ARL2: variants seen among roughly 807,000 people sequenced by gnomAD.
ARL2 encodes ARF like GTPase 2.
Under a neutral mutation model 22.0 loss-of-function variants are expected in ARL2, and 11 were observed. The observed-to-expected ratio is 0.50, with a 90% CI of 0.31 to 0.83. The LOEUF (loss-of-function observed/expected upper bound fraction) is 0.83, where lower values mean the gene tolerates loss of function less well. Among genes scored for constraint, ARL2 ranks in the 40% least tolerant of loss-of-function variants. The pLI is 0.04. For missense variants in ARL2, 216 were observed against 243.2 expected, an observed-to-expected ratio of 0.89 and a Z score of 0.74; for synonymous variants, 111 against 100.8, an observed-to-expected ratio of 1.10 and a Z score of -0.61.
chr11:65,021,346 A>G (rs1378311938), intron 4 of ARL2, among the ~76,000 whole-genome samples: 1 of 152,218 alleles, frequency 6.6e-6, no homozygotes, highest in Non-Finnish European at 1.5e-5. Flanking sequence ...CAGGTTGCTT[A>G]ACCTCTCTGA....
Position 65,018,729 on chromosome 11 carries a change from A to G in ARL2, c.335A>G (p.Glu112Gly), listed in dbSNP as rs1565182995. Reference sequence around the variant, plus strand: ...CGGGAGCTCCAGAGCCTGCTGGTGGAGGAGGTGGGCAGCTCCTACCCTTTG... The same window carrying G: ...CGGGAGCTCCAGAGCCTGCTGGTGGGGGAGGTGGGCAGCTCCTACCCTTTG... Reference protein sequence around the residue: ...CQRELQSLLVEERLAGATLLI... With the variant: ...CQRELQSLLVGERLAGATLLI... The change falls in exon 3 of 5, where the codon GAG becomes GGG. Residue 112 changes from glutamate to glycine, a missense_variant. Physicochemically the swap from Glu to Gly is moderately conservative, Grantham distance 98. Transcript: ENST00000246747. The surrounding 1 kb of genome is among the most constrained non-coding windows in gnomAD (Gnocchi z 4.2). 1.9e-6 allele frequency: 3 copies of G among 1,614,026 alleles called. No individual in the cohort carries two copies. Among genetic ancestry groups the G allele is most frequent in the Non-Finnish European group, 2.5e-6 (3 of 1,180,020 alleles).
intron 3 of ARL2, 83 bp from the exon 4 acceptor site, chr11:65,020,336 A>G: frequency 8.6e-7 from 1 of 1,165,574 alleles, no homozygotes; most frequent in Non-Finnish European, 1.3e-6. Context: ...TCGATCCTTC[A>G]CCCCAGATGC....
rs551142543 is a variant in ARL2 at position 65,021,587 on chromosome 11, C to T, written c.421-134C>T. On this transcript the variant is annotated intron_variant, in intron 4 of 4. Coordinates refer to ENST00000246747, the MANE Select transcript of ARL2 (RefSeq NM_001667.4). ...CAAACTCTCCCTGGGACCGGCGGGG[C>T]TTCCTGGATGGGATGACATGGAGCA... 2.5e-6 allele frequency: 3 copies of T among 1,193,898 alleles called. No individual in the cohort carries two copies. In the East Asian group the frequency reaches 7.8e-5, roughly 31 times the overall value. 74.0% of individuals were successfully genotyped at this position (1,193,898 alleles called of 1,614,324 possible). A position where few individuals can be genotyped will look rare whatever the true frequency, so the allele number is the denominator to read the frequency against.
Position 65,018,076 on chromosome 11 carries a change from C to T in ARL2, c.66-288C>T, listed in dbSNP as rs1946280026. On this transcript the variant is annotated intron_variant, in intron 1 of 4. Transcript: ENST00000246747. The surrounding 1 kb of genome is among the most constrained non-coding windows in gnomAD (Gnocchi z 4.2). ...TTCTCATTTGTTTGTACTTTATTGA[C>T]TGTCTTCCCGCTAGAGTGTAAGCTT... Among the ~76,000 whole-genome samples, 2 of 152,236 alleles carry T rather than the reference C, an allele frequency of 1.3e-5. No individual in the cohort carries two copies. The highest frequency in any genetic ancestry group is 4.8e-5 in the African/African-American group (2 of 41,468).
chr11:65,017,269 C>T (rs1946268481), intron 1 of ARL2, among the ~76,000 whole-genome samples: 1 of 146,698 alleles, frequency 6.8e-6, no homozygotes, highest in Non-Finnish European at 1.5e-5. Context: ...GATCTCGGCT[C>T]ATTGCAACCT....
intron 3 of ARL2, 80 bp from the exon 4 acceptor site, chr11:65,020,339 C>A: frequency 8.2e-7 from 1 of 1,224,482 alleles, no homozygotes. Flanking sequence ...ATCCTTCACC[C>A]CAGATGCTCT....
intron 1 of ARL2, among the ~76,000 whole-genome samples, chr11:65,014,586 G>A (rs2136898973): frequency 1.3e-5 from 2 of 152,336 alleles, no homozygotes; most frequent in African/African-American, 4.8e-5. Context: ...CCAAGCGTGG[G>A]GCCGCTGCCC....
chr11:65,015,103 C>G (rs1038852927), intron 1 of ARL2, among the ~76,000 whole-genome samples: 3 of 151,822 alleles, frequency 2.0e-5, no homozygotes, highest in Non-Finnish European at 2.9e-5. Context: ...CGGAGTCCGG[C>G]CCATGTCTGT....
chr11:65,016,266 T>G (rs1946253177), intron 1 of ARL2, among the ~76,000 whole-genome samples: 2 of 105,448 alleles, frequency 1.9e-5, no homozygotes, highest in Non-Finnish European at 3.6e-5. Context: ...CATATAGCAA[T>G]TCGGGGGGGG....
rs1240201748 is a variant in ARL2, at chr11:65,020,469, T to C, written c.390T>C (p.Pro130=). 1 of 1,612,740 alleles carries C rather than the reference T, an allele frequency of 6.2e-7. No homozygotes were observed. The highest frequency in any genetic ancestry group is 8.5e-7 in the Non-Finnish European group (1 of 1,179,466). The change falls in exon 4 of 5, where the codon CCT becomes CCC. Residue 130 remains proline, a synonymous_variant. Transcript: ENST00000246747. The stretch of plus-strand genomic sequence containing the variant: ...TCTTTGCTAATAAGCAGGACCTGCC[T>C]GGAGCACTGTCCTCTAACGCCATCC... ...LLIFANKQDL[P]GALSSNAIRE...
intron 4 of ARL2, among the ~76,000 whole-genome samples, chr11:65,021,339 G>A (rs984487292): frequency 6.6e-6 from 1 of 152,208 alleles, no homozygotes; most frequent in Non-Finnish European, 1.5e-5. Context: ...CCCTAGGCAG[G>A]TTGCTTAACC....
rs780425731 is a variant in ARL2, at chr11:65,018,453, T to C, written c.155T>C (p.Ile52Thr). 6.2e-7 allele frequency: 1 copy of C among 1,608,500 alleles called. No homozygotes were observed. ...ATCTCCCCAACGCTGGGCTTCAACA[T>C]CAAGACCCTGGAGCACCGAGGGTGA... is the stretch of plus-strand genomic sequence containing the variant. ...DTISPTLGFN[I>T]KTLEHRGFKL... The change falls in exon 2 of 5, where the codon ATC (isoleucine) becomes ACC (threonine). Residue 52 changes from isoleucine (I) to threonine (T), a missense_variant. By Grantham distance (89) the Ile-to-Thr change is moderately conservative. Transcript: ENST00000246747. This position sits in a 1 kb window ranked among gnomAD's most constrained non-coding sequence, Gnocchi z 4.2.
rs907294168 is a variant in ARL2 at position 65,018,421 on chromosome 11, C to T, written c.123C>T (p.Ile41=). The T allele has an allele frequency of 5.6e-6, 9 of 1,609,778 alleles. No homozygotes were observed. Among genetic ancestry groups the T allele is most frequent in the Admixed American group, 5.1e-5 (3 of 59,274 alleles). The change falls in exon 2 of 5, where the codon ATC becomes ATT. Residue 41 remains isoleucine (I), a synonymous_variant. Transcript: ENST00000246747. This position sits in a 1 kb window ranked among gnomAD's most constrained non-coding sequence, Gnocchi z 4.2. The stretch of plus-strand genomic sequence containing the variant: ...TGAAGAAGTTCAATGGGGAGGACAT[C>T]GACACCATCTCCCCAACGCTGGGCT... ...TILKKFNGED[I]DTISPTLGFN...
rs1445160788 is a variant in ARL2 at position 65,014,193 on chromosome 11, G to T, written c.-15G>T. 6.4e-7 allele frequency: 1 copy of T among 1,553,944 alleles called. No individual in the cohort carries two copies. Among genetic ancestry groups the T allele is most frequent in the East Asian group, 2.6e-5 (1 of 38,316 alleles). ...ACTGGGAAGAAACGGCGGCCGGGAG[G>T]GGGCTCCGGGGACCATGGGGCTCCT... On this transcript the variant is annotated 5_prime_UTR_variant, in exon 1 of 5. Coordinates refer to ENST00000246747, the MANE Select transcript of ARL2 (RefSeq NM_001667.4).
At chr11:65,020,363 A>AG in intron 3 of ARL2, 56 bp from the exon 4 acceptor site, 1 of 1,425,486 alleles carries the variant, frequency 7.0e-7, no homozygotes. Flanking sequence ...CCATTAGAGG[A>AG]GGGGTCAGGC....
Position 65,018,987 on chromosome 11 carries a change from A to G in ARL2, c.339+254A>G. On this transcript the variant is annotated intron_variant, in intron 3 of 4. Transcript: ENST00000246747. This position sits in a 1 kb window ranked among gnomAD's most constrained non-coding sequence, Gnocchi z 4.2. ...TATGCCTTGAAATGGTGATGATGAC[A>G]CCCACATCACTGGGCTTTAGGGAGG... 1 of 1,429,866 alleles carries G rather than the reference A, an allele frequency of 7.0e-7. No individual in the cohort carries two copies. The highest frequency in any genetic ancestry group is 9.3e-7 in the Non-Finnish European group (1 of 1,071,658). 88.6% of individuals were successfully genotyped at this position (1,429,866 alleles called of 1,614,324 possible).
intron 4 of ARL2, 162 bp downstream of exon 4, chr11:65,020,661 G>A (rs1015169113): frequency 3.1e-6 from 2 of 655,364 alleles, no homozygotes; most frequent in Admixed American, 3.0e-5. Context: ...CTGAGGTCAG[G>A]AGTTCGAGAC....
intron 3 of ARL2, among the ~76,000 whole-genome samples, chr11:65,019,847 C>T (rs532444250): frequency 9.9e-5 from 15 of 152,246 alleles, no homozygotes; most frequent in Non-Finnish European, 2.1e-4. Flanking sequence ...GCACACCGCA[C>T]ACATCTCCTA....
Position 65,021,438 on chromosome 11 carries a change from G to A in ARL2, c.421-283G>A, listed in dbSNP as rs1696314616. 1.6e-5 allele frequency: 6 copies of A among 379,686 alleles called. No homozygotes were observed. In the East Asian group the frequency reaches 2.0e-4, roughly 13 times the overall value. The allele number at this position is 379,686 out of a possible 1,614,324, so 23.5% of individuals were successfully genotyped here. A position where few individuals can be genotyped will look rare whatever the true frequency, so the allele number is the denominator to read the frequency against. On this transcript the variant is annotated intron_variant, in intron 4 of 4. Coordinates refer to ENST00000246747, the MANE Select transcript of ARL2 (RefSeq NM_001667.4). ...GAGGAGAATGAGTGAGAGAGGGTGT[G>A]TGGGGCTCCTAGCACGATGCCCGGA...
Sources: gnomAD v4.1 joint callset for allele counts (sites outside exome capture counted in the v4.1 genomes callset) on GRCh38, gnomAD v4.1.1 for gene constraint, Gnocchi (gnomAD v3.1) non-coding constraint, MANE v1.5 for transcripts, NCBI Gene and HGNC (gene_info 2026-07-23, HGNC 2026-07-21) for gene names.